The following KIAA1549 variants were observed in gnomAD, a reference collection of about 807,000 sequenced individuals.
The protein encoded by KIAA1549 is KIAA1549.
KIAA1549 carries 70 observed loss-of-function variants against 156.4 expected under a neutral mutation model. The observed-to-expected ratio is 0.45, with a 90% confidence interval of 0.37 to 0.55. The LOEUF is 0.55. Among genes scored for constraint, KIAA1549 ranks in the 20% least tolerant of loss-of-function variants. The pLI is 0.00. For synonymous variants in KIAA1549, 1,103 were observed against 1,066.4 expected (o/e 1.03, Z -0.67); for missense variants, 2,428 against 2,540.9 (o/e 0.96, Z 0.96).
Position 138,837,184 on chromosome 7 carries a change from T to A in KIAA1549, c.*722A>T. 4.4e-6 allele frequency: 1 copy of A among 226,534 alleles called. No homozygotes were observed. The highest frequency in any genetic ancestry group is 2.2e-5 in the African/African-American group (1 of 45,018). 14.0% of individuals were successfully genotyped at this position (226,534 alleles called of 1,614,324 possible). Reference sequence around the variant, plus strand: ...TTTTTGCCCCACTTTGGGAGGGATTTTTTTTTTCTAGAACAAAATGAAACC... The same window carrying A: ...TTTTTGCCCCACTTTGGGAGGGATTATTTTTTTCTAGAACAAAATGAAACC... On this transcript the variant is annotated 3_prime_UTR_variant, in exon 20 of 20. Coordinates refer to ENST00000422774, the MANE Select transcript of KIAA1549 (RefSeq NM_001164665.2).
At chr7:138,906,575 A>G (rs1184422606) in intron 6 of KIAA1549, among the ~76,000 whole-genome samples, 4 of 152,234 alleles carry the variant, frequency 2.6e-5, no homozygotes, top group Non-Finnish European at 5.9e-5. Flanking sequence ...CAAACATCGT[A>G]TGTTCTCACT....
At position 138,838,079 on chromosome 7, in the gene KIAA1549, G is replaced by C. The variant is rs1387690328; in HGVS notation, c.5680C>G (p.Pro1894Ala). 8 of 1,585,210 alleles carry C rather than the reference G, an allele frequency of 5.0e-6. No individual in the cohort carries two copies. The Admixed American group carries it at 1.3e-4, about 25-fold the overall frequency. The change falls in exon 20 of 20, where the codon CCT (proline) becomes GCT (alanine). Residue 1894 changes from proline to alanine, a missense_variant. Pro to Ala is a conservative substitution (Grantham distance 27). Transcript: ENST00000422774. Reference protein sequence around the residue: ...PRTSGREPSAPSGNLPHRGLQ... With the variant: ...PRTSGREPSAASGNLPHRGLQ... ...CCCCGGTGGGGGAGGTTCCCGGAAG[G>C]AGCTGAGGGCTCCCTGCCTGAAGTC...
Position 138,972,014 on chromosome 7 carries a change from T to C in KIAA1549, c.187+9069A>G, listed in dbSNP as rs148688898. Among the ~76,000 whole-genome samples, 327 of 152,116 alleles carry C rather than the reference T, an allele frequency of 2.1e-3. 1 individual carries two copies. Among genetic ancestry groups the C allele is most frequent in the African/African-American group, 7.7e-3 (318 of 41,470 alleles). ...GAACTGGAGGAAGTGAGAGGAGAAG[T>C]AGAGGTCGTGACAGTCACCTGGAGA... On this transcript the variant is annotated intron_variant, in intron 1 of 19. Transcript: ENST00000422774.
chr7:138,852,543 T>C (rs1378775164), intron 16 of KIAA1549, among the ~76,000 whole-genome samples: 2 of 152,250 alleles, frequency 1.3e-5, no homozygotes, highest in African/African-American at 4.8e-5. Context: ...GCTGACAGGC[T>C]TGCTGTGCCT....
chr7:138,848,722 T>C (rs1318205822), intron 17 of KIAA1549, among the ~76,000 whole-genome samples: 1 of 152,194 alleles, frequency 6.6e-6, no homozygotes, highest in Non-Finnish European at 1.5e-5. Flanking sequence ...TTTTCTATTT[T>C]TTTAGAAGAG....
In KIAA1549 at chr7:138,831,482, C is replaced by T. The variant is rs186699396; in HGVS notation, c.*6424G>A. The T allele has an allele frequency of 1.7e-4, 36 of 213,778 alleles. 1 individual carries two copies. The Middle Eastern group carries it at 5.9e-3, about 35-fold the overall frequency. 13.2% of individuals were successfully genotyped at this position (213,778 alleles called of 1,614,324 possible). On this transcript the variant is annotated 3_prime_UTR_variant, in exon 20 of 20. Coordinates refer to ENST00000422774, the MANE Select transcript of KIAA1549 (RefSeq NM_001164665.2). ...AACCAAATACTTGCATAAATTATTT[C>T]AAAAACTCTACAGCACATTAGAAAA...
intron 18 of KIAA1549, among the ~76,000 whole-genome samples, chr7:138,843,672 T>C (rs1809986870): frequency 1.3e-5 from 2 of 152,216 alleles, no homozygotes; most frequent in South Asian, 4.1e-4. Context: ...ATCTGAATTT[T>C]GCTTAGTACG....
chr7:138,922,824 G>T (rs923994736), intron 1 of KIAA1549, among the ~76,000 whole-genome samples: 1 of 151,854 alleles, frequency 6.6e-6, no homozygotes, highest in African/African-American at 2.4e-5. Context: ...TTTGATCAAA[G>T]TTTTAGGAAA....
chr7:138,907,175 C>T (rs910457602), intron 5 of KIAA1549, 73 bp from the exon 6 acceptor site: 38 of 1,251,264 alleles, frequency 3.0e-5, no homozygotes, highest in Non-Finnish European at 3.9e-5. Context: ...ATTTCTCTCT[C>T]ACAGGTCCTC....
chr7:138,890,097 C>G (rs999668773), intron 10 of KIAA1549, among the ~76,000 whole-genome samples: 2 of 152,204 alleles, frequency 1.3e-5, no homozygotes, highest in African/African-American at 4.8e-5. Context: ...TGTTCTTTCT[C>G]TCTTTAACAT....
At chr7:138,858,524 G>A (rs1481017312) in intron 16 of KIAA1549, among the ~76,000 whole-genome samples, 1 of 152,044 alleles carries the variant, frequency 6.6e-6, no homozygotes, top group African/African-American at 2.4e-5. Flanking sequence ...ATATTCTTGA[G>A]CTTTGCTTGG....
rs767703310 is a variant in KIAA1549 at position 138,852,237 on chromosome 7, C to T, written c.5280G>A (p.Thr1760=). ...GAAAACCTTACCTTGGCAATGGACCCGTCGGGGGAGTCATTCCATAGTCTT... is the reference window on the plus strand; with the variant it reads ...GAAAACCTTACCTTGGCAATGGACCTGTCGGGGGAGTCATTCCATAGTCTT... ...RYEDYGMTPP[T]GPLPRPGFGP... The change falls in exon 17 of 20, where the codon ACG becomes ACA. Residue 1760 remains threonine, a synonymous_variant. Coordinates refer to ENST00000422774, the MANE Select transcript of KIAA1549 (RefSeq NM_001164665.2). The T allele has an allele frequency of 9.3e-6, 15 of 1,610,520 alleles. No homozygotes were observed. Among genetic ancestry groups the T allele is most frequent in the South Asian group, 2.2e-5 (2 of 90,586 alleles).
At chr7:138,943,781 A>G (rs1415075722) in intron 1 of KIAA1549, among the ~76,000 whole-genome samples, 10 of 152,088 alleles carry the variant, frequency 6.6e-5, no homozygotes, top group Non-Finnish European at 1.3e-4. Flanking sequence ...CCCGGAAGGC[A>G]GAGCTTGCAG....
intron 1 of KIAA1549, among the ~76,000 whole-genome samples, chr7:138,937,362 G>T (rs1056140161): frequency 1.6e-4 from 25 of 152,296 alleles, no homozygotes; most frequent in African/African-American, 5.5e-4. Flanking sequence ...TGTCTTATCA[G>T]TGTGCCTCCC....
intron 1 of KIAA1549, among the ~76,000 whole-genome samples, chr7:138,964,181 G>A (rs561612127): frequency 4.6e-5 from 7 of 152,192 alleles, no homozygotes; most frequent in Non-Finnish European, 1.0e-4. Context: ...TTCTAACAGG[G>A]ACAGGGAGCT....
rs1810796288 is a variant in KIAA1549 at position 138,867,865 on chromosome 7, T to C, written c.4929+110A>G. On this transcript the variant is annotated intron_variant, in intron 15 of 19. Coordinates refer to ENST00000422774, the MANE Select transcript of KIAA1549 (RefSeq NM_001164665.2). ...GCATCAGCCATCAGGCATCAGGCACTGATACCACACAGGGCGGCAGCCAGT... is the reference window on the plus strand; with the variant it reads ...GCATCAGCCATCAGGCATCAGGCACCGATACCACACAGGGCGGCAGCCAGT... 2.5e-6 allele frequency: 3 copies of C among 1,216,360 alleles called. No homozygotes were observed. The South Asian group carries it at 4.3e-5, about 18-fold the overall frequency. The allele number at this position is 1,216,360 out of a possible 1,614,324, so 75.3% of individuals were successfully genotyped here. A position where few individuals can be genotyped will look rare whatever the true frequency, so the allele number is the denominator to read the frequency against.
At chr7:138,867,838 G>T in intron 15 of KIAA1549, 137 bp downstream of exon 15, 1 of 916,750 alleles carries the variant, frequency 1.1e-6, no homozygotes, top group Non-Finnish European at 1.6e-6. Context: ...GAGGGCCCTG[G>T]TGCATCAGCC....
chr7:138,895,647 T>G (rs1811664372), intron 9 of KIAA1549, among the ~76,000 whole-genome samples: 1 of 152,072 alleles, frequency 6.6e-6, no homozygotes, highest in Non-Finnish European at 1.5e-5. Flanking sequence ...TACACAGCCT[T>G]GTGAACGTAC....
intron 1 of KIAA1549, among the ~76,000 whole-genome samples, chr7:138,973,765 C>CT (rs1434858126): frequency 6.6e-6 from 1 of 152,204 alleles, no homozygotes; most frequent in East Asian, 1.9e-4. Flanking sequence ...CTGCCTCAGC[C>CT]TCCCGAATAG....
Sources: gnomAD v4.1 joint callset for allele counts (sites outside exome capture counted in the v4.1 genomes callset) on GRCh38, gnomAD v4.1.1 for gene constraint, MANE v1.5 for transcripts, NCBI Gene and HGNC (gene_info 2026-07-23, HGNC 2026-07-21) for gene names.